The following ADAMTS12 variants were observed in gnomAD, a reference collection of about 807,000 sequenced individuals.
ADAMTS12 encodes the protein ADAM metallopeptidase with thrombospondin type 1 motif 12.
ADAMTS12 carries 118 observed loss-of-function variants against 167.8 expected under a neutral mutation model. The observed-to-expected ratio is 0.70, with a 90% CI of 0.61 to 0.82. The LOEUF (loss-of-function observed/expected upper bound fraction) is 0.82, where lower values mean the gene tolerates loss of function less well. ADAMTS12 is among the 40% of genes least tolerant of loss of function. ADAMTS12 has a pLI of 0.00. For synonymous variants in ADAMTS12, 704 were observed against 716.9 expected (o/e 0.98, Z 0.29); for missense variants, 1,916 against 1,998.8 (o/e 0.96, Z 0.79).
At chr5:33,601,322 G>T (rs1738178219) in intron 16 of ADAMTS12, among the ~76,000 whole-genome samples, 1 of 152,144 alleles carries the variant, frequency 6.6e-6, no homozygotes, top group Non-Finnish European at 1.5e-5. Context: ...AGGACAAAAT[G>T]ATGTATGCAT....
At chr5:33,558,744 G>C (rs1361052651) in intron 20 of ADAMTS12, among the ~76,000 whole-genome samples, 3 of 152,206 alleles carry the variant, frequency 2.0e-5, no homozygotes, top group Non-Finnish European at 4.4e-5. Flanking sequence ...TGACAGGAAA[G>C]TGGAACTTTA....
chr5:33,689,141 A>G (rs1197315510), intron 3 of ADAMTS12, among the ~76,000 whole-genome samples: 1 of 152,218 alleles, frequency 6.6e-6, no homozygotes, highest in East Asian at 1.9e-4. Flanking sequence ...CAAGAGCCCA[A>G]CTGGTGCTAA....
At chr5:33,691,083 C>T (rs1742531911) in intron 3 of ADAMTS12, among the ~76,000 whole-genome samples, 1 of 152,208 alleles carries the variant, frequency 6.6e-6, no homozygotes, top group Admixed American at 6.5e-5. Context: ...CTCCACAAAA[C>T]ATTTCTTACA....
intron 2 of ADAMTS12, among the ~76,000 whole-genome samples, chr5:33,768,580 T>C (rs1745629188): frequency 6.6e-6 from 1 of 152,194 alleles, no homozygotes; most frequent in Non-Finnish European, 1.5e-5. Flanking sequence ...GTACAGAATA[T>C]ATTCATCCTG....
At chr5:33,625,303 TA>T (rs397944314) in intron 13 of ADAMTS12, among the ~76,000 whole-genome samples, 29 of 146,646 alleles carry the variant, frequency 2.0e-4, no homozygotes, top group East Asian at 3.9e-4. Context: ...CTAAGAGATT[TA>T]AAAAAAAAAA....
At chr5:33,875,613 C>T (rs1045959764) in intron 2 of ADAMTS12, among the ~76,000 whole-genome samples, 12 of 151,976 alleles carry the variant, frequency 7.9e-5, no homozygotes, top group African/African-American at 2.9e-4. Flanking sequence ...AATTCAATAC[C>T]CATTCAAAAT....
Position 33,643,409 on chromosome 5 carries a change from G to C in ADAMTS12, c.1541C>G (p.Ala514Gly). 1.1e-5 allele frequency: 17 copies of C among 1,614,138 alleles called. No individual in the cohort carries two copies. Among genetic ancestry groups the C allele is most frequent in the Non-Finnish European group, 1.4e-5 (16 of 1,179,984 alleles). Residue 514 changes from alanine (A) to glycine (G), a missense_variant, in exon 10 of 24, where the codon GCT becomes GGT. By Grantham distance (60) the Ala-to-Gly change is moderately conservative (BLOSUM62 0). Transcript: ENST00000504830. ...KGFCRSKLDA[A>G]ADGTQCGEKK... ...CTCACCACATTGAGTTCCATCTGCAGCAGCGTCCAGCTTAGAGCGACAAAA... is the reference window on the plus strand; with the variant it reads ...CTCACCACATTGAGTTCCATCTGCACCAGCGTCCAGCTTAGAGCGACAAAA...
chr5:33,799,864 C>T (rs1207911798), intron 2 of ADAMTS12, among the ~76,000 whole-genome samples: 3 of 152,160 alleles, frequency 2.0e-5, no homozygotes, highest in Non-Finnish European at 4.4e-5. Flanking sequence ...GTGACATACA[C>T]AATCTTCTCC....
chr5:33,568,315 A>G (rs1746117364), intron 19 of ADAMTS12, among the ~76,000 whole-genome samples: 1 of 152,232 alleles, frequency 6.6e-6, no homozygotes, highest in Non-Finnish European at 1.5e-5. Flanking sequence ...TCAAAGCGAA[A>G]ACATAGCTCA....
chr5:33,798,916 G>A (rs1444044199), intron 2 of ADAMTS12, among the ~76,000 whole-genome samples: 1 of 152,120 alleles, frequency 6.6e-6, no homozygotes, highest in Non-Finnish European at 1.5e-5. Flanking sequence ...ACCTTAGAAG[G>A]GCTCTGTGGC....
intron 10 of ADAMTS12, 25 bp downstream of exon 10, chr5:33,643,353 C>A (rs764002773): frequency 3.1e-6 from 5 of 1,613,176 alleles, no homozygotes; most frequent in Admixed American, 3.3e-5. Context: ...GCCCTCCCAC[C>A]TCATTCCTCG....
intron 16 of ADAMTS12, among the ~76,000 whole-genome samples, chr5:33,597,486 G>A (rs1476053726): frequency 6.6e-6 from 1 of 152,096 alleles, no homozygotes; most frequent in African/African-American, 2.4e-5. Flanking sequence ...TACAGCCAAG[G>A]ACACTGAGGG....
At position 33,549,293 on chromosome 5, in the gene ADAMTS12, G is replaced by C. The variant is rs769076440; in HGVS notation, c.4216C>G (p.Gln1406Glu). The change falls in exon 21 of 24, where the codon CAG (glutamine) becomes GAG (glutamate). Residue 1406 changes from glutamine to glutamate, a missense_variant. Gln to Glu is a conservative substitution (Grantham distance 29). Coordinates refer to ENST00000504830, the MANE Select transcript of ADAMTS12 (RefSeq NM_030955.4). The stretch of plus-strand genomic sequence containing the variant: ...GGGGGAGGAATGCCGGCCAGGAACT[G>C]GCAGTGAAATGGCCTCAGGTTCCGG... ...DHRNLRPFHC[Q>E]FLAGIPPPLS... 1.2e-6 allele frequency: 2 copies of C among 1,614,202 alleles called. No individual in the cohort carries two copies. The highest frequency in any genetic ancestry group is 1.1e-5 in the South Asian group (1 of 91,080).
intron 2 of ADAMTS12, among the ~76,000 whole-genome samples, chr5:33,832,276 A>G (rs1363071884): frequency 1.3e-5 from 2 of 152,174 alleles, no homozygotes; most frequent in African/African-American, 4.8e-5. Context: ...TCCTTGTGTG[A>G]GATTCATCGA....
intron 3 of ADAMTS12, among the ~76,000 whole-genome samples, chr5:33,724,640 C>T (rs1190659251): frequency 6.6e-6 from 1 of 151,860 alleles, no homozygotes; most frequent in Non-Finnish European, 1.5e-5. Flanking sequence ...CAAGCTCCGC[C>T]TCCCGGGTTC....
At chr5:33,869,081 C>T (rs981884868) in intron 2 of ADAMTS12, among the ~76,000 whole-genome samples, 1 of 152,182 alleles carries the variant, frequency 6.6e-6, no homozygotes, top group Non-Finnish European at 1.5e-5. Context: ...GAGACCTCTG[C>T]AGCAGCTGCT....
chr5:33,535,323 T>C (rs527395847), intron 22 of ADAMTS12, among the ~76,000 whole-genome samples: 44 of 152,294 alleles, frequency 2.9e-4, no homozygotes, highest in Non-Finnish European at 4.4e-5. Flanking sequence ...TTGGTGCCGT[T>C]GGACCCAGCC....
At chr5:33,639,838 C>T (rs1740374785) in intron 11 of ADAMTS12, among the ~76,000 whole-genome samples, 1 of 152,208 alleles carries the variant, frequency 6.6e-6, no homozygotes, top group Non-Finnish European at 1.5e-5. Flanking sequence ...TATACCTCCC[C>T]TCCCTCAATG....
intron 23 of ADAMTS12, among the ~76,000 whole-genome samples, chr5:33,532,424 C>T (rs750094023): frequency 5.3e-5 from 8 of 151,314 alleles, no homozygotes; most frequent in Admixed American, 2.0e-4. Flanking sequence ...GAAAATTTAC[C>T]GACTTAAATG....
Sources: gnomAD v4.1 joint callset for allele counts (sites outside exome capture counted in the v4.1 genomes callset) on GRCh38, gnomAD v4.1.1 for gene constraint, MANE v1.5 for transcripts, NCBI Gene and HGNC (gene_info 2026-07-23, HGNC 2026-07-21) for gene names.